Variants in SDK1 observed in about 807,000 individuals in gnomAD.
The protein encoded by SDK1 is protein sidekick-1.
SDK1 carries 157 observed loss-of-function variants against 245.5 expected under a neutral mutation model. The observed-to-expected ratio is 0.64, with a 90% CI of 0.56 to 0.73. SDK1 has a LOEUF of 0.73. Ranked by LOEUF, SDK1 falls within the 30% of genes least tolerant of loss-of-function variation. The pLI, the probability that SDK1 is intolerant of heterozygous loss-of-function variation, is 0.00. For missense variants in SDK1, 3,583 were observed against 3,002.3 expected, an observed-to-expected ratio of 1.19 and a Z score of -4.52; for synonymous variants, 1,647 against 1,278.5, an observed-to-expected ratio of 1.29 and a Z score of -6.15.
At chr7:3,319,069 G>A (rs555610061) in intron 1 of SDK1, among the ~76,000 whole-genome samples, 217 of 152,200 alleles carry the variant, frequency 1.4e-3, no homozygotes, top group African/African-American at 5.0e-3. Flanking sequence ...ACAAAAAACC[G>A]CATTGTTAAA....
At chr7:3,382,590 T>C (rs1179859389) in intron 1 of SDK1, among the ~76,000 whole-genome samples, 1 of 152,232 alleles carries the variant, frequency 6.6e-6, no homozygotes, top group African/African-American at 2.4e-5. Context: ...TATTTTGAAA[T>C]ATTTGCAGTC....
chr7:3,562,433 A>G (rs186117738), intron 1 of SDK1, among the ~76,000 whole-genome samples: 1 of 152,218 alleles, frequency 6.6e-6, no homozygotes, highest in Non-Finnish European at 1.5e-5. Flanking sequence ...TCTGAATACC[A>G]TGTTAGCTAT....
At chr7:3,658,032 C>G (rs781566947) in intron 4 of SDK1, among the ~76,000 whole-genome samples, 1 of 152,152 alleles carries the variant, frequency 6.6e-6, no homozygotes, top group East Asian at 1.9e-4. Context: ...CCTTGGGCCC[C>G]GTGATGCTTG....
intron 13 of SDK1, among the ~76,000 whole-genome samples, chr7:3,975,086 G>A (rs976187104): frequency 1.3e-5 from 2 of 152,114 alleles, no homozygotes; most frequent in Non-Finnish European, 2.9e-5. Context: ...GACCTTCCTG[G>A]GGGTTCCAAA....
intron 1 of SDK1, among the ~76,000 whole-genome samples, chr7:3,579,152 TGAG>T (rs1780402479): frequency 6.6e-6 from 1 of 152,054 alleles, no homozygotes; most frequent in African/African-American, 2.4e-5. Context: ...TCCAATAAAT[TGAG>T]GAGGAGGGAT....
chr7:4,240,867 G>C (rs1786474494), intron 42 of SDK1, among the ~76,000 whole-genome samples: 1 of 152,162 alleles, frequency 6.6e-6, no homozygotes, highest in Non-Finnish European at 1.5e-5. Flanking sequence ...TCCAGCAAGA[G>C]GGAGAGCCCC....
rs774580418 is a variant in SDK1 at position 4,026,336 on chromosome 7, C to G, written c.2602+8984C>G. On this transcript the variant is annotated intron_variant, in intron 17 of 44. Transcript: ENST00000404826. The surrounding 1 kb of genome is among the most constrained non-coding windows in gnomAD (Gnocchi z 4.1). Reference sequence around the variant, plus strand: ...GCTTCCACCCTCGGTGGCCTTGGGCCCATGTTTTAGAAGCTCAGCGTTTGG... The same window carrying G: ...GCTTCCACCCTCGGTGGCCTTGGGCGCATGTTTTAGAAGCTCAGCGTTTGG... Among the ~76,000 whole-genome samples, 4 of 152,160 alleles carry G rather than the reference C, an allele frequency of 2.6e-5. No homozygotes were observed. Among genetic ancestry groups the G allele is most frequent in the Non-Finnish European group, 5.9e-5 (4 of 68,030 alleles).
chr7:3,586,603 G>A (rs1780696350), intron 1 of SDK1, among the ~76,000 whole-genome samples: 1 of 151,604 alleles, frequency 6.6e-6, no homozygotes, highest in African/African-American at 2.4e-5. Context: ...TACTCGGGAG[G>A]CTGAGGCAGG....
At chr7:3,491,124 C>T (rs1421595016) in intron 1 of SDK1, among the ~76,000 whole-genome samples, 2 of 152,134 alleles carry the variant, frequency 1.3e-5, no homozygotes, top group African/African-American at 2.4e-5. Context: ...ACTGAACTGC[C>T]CAGTAGAAGT....
At chr7:4,103,341 C>T (rs1033467123) in intron 22 of SDK1, among the ~76,000 whole-genome samples, 3 of 152,164 alleles carry the variant, frequency 2.0e-5, no homozygotes, top group African/African-American at 7.2e-5. Flanking sequence ...AAGAATTCTG[C>T]CTCCCTCTAC....
chr7:3,800,396 T>TATTTATTC (rs1779078072), intron 4 of SDK1, among the ~76,000 whole-genome samples: 1 of 151,744 alleles, frequency 6.6e-6, no homozygotes, highest in Admixed American at 6.6e-5. Flanking sequence ...TTTATTTATT[T>TATTTATTC]ATTGAGACAG....
At chr7:3,346,171 C>G (rs916379307) in intron 1 of SDK1, among the ~76,000 whole-genome samples, 2 of 152,138 alleles carry the variant, frequency 1.3e-5, no homozygotes, top group East Asian at 1.9e-4. Flanking sequence ...ATTTCAGACT[C>G]CTGTGCATGC....
At chr7:4,034,418 T>C (rs1480439102) in intron 17 of SDK1, among the ~76,000 whole-genome samples, 1 of 152,216 alleles carries the variant, frequency 6.6e-6, no homozygotes, top group East Asian at 1.9e-4. Flanking sequence ...TTCTTGGAAG[T>C]ACATACTCCA....
intron 30 of SDK1, among the ~76,000 whole-genome samples, chr7:4,154,822 T>C (rs1780623031): frequency 6.6e-6 from 1 of 152,030 alleles, no homozygotes; most frequent in South Asian, 2.1e-4. Flanking sequence ...GGCTTGGAAG[T>C]GTGAACAGAG....
At chr7:4,032,744 A>G (rs1787918401) in intron 17 of SDK1, among the ~76,000 whole-genome samples, 1 of 152,018 alleles carries the variant, frequency 6.6e-6, no homozygotes, top group Middle Eastern at 3.2e-3. Flanking sequence ...ACATTAGAAA[A>G]GAAAAGAAAG....
rs866324542 is a variant in SDK1 at position 4,120,945 on chromosome 7, G to A, written c.3824-6436G>A. On this transcript the variant is annotated intron_variant, in intron 25 of 44. Transcript: ENST00000404826. ...ACACTCTTTTAAAAAAAAAAAAAAA[G>A]AAAGAAACCTATGGCAAAACTGCTG... Among the ~76,000 whole-genome samples, 884 of 144,786 alleles carry A rather than the reference G, an allele frequency of 6.1e-3. 7 individuals carry two copies. Among genetic ancestry groups the A allele is most frequent in the African/African-American group, 0.022 (845 of 37,896 alleles). 95.0% of individuals were successfully genotyped at this position (144,786 alleles called of 152,430 possible). A position where few individuals can be genotyped will look rare whatever the true frequency, so the allele number is the denominator to read the frequency against.
At chr7:3,571,982 A>G (rs1314535709) in intron 1 of SDK1, among the ~76,000 whole-genome samples, 1 of 152,012 alleles carries the variant, frequency 6.6e-6, no homozygotes, top group East Asian at 1.9e-4. Context: ...TGCTGTTAGG[A>G]AAAATTTTAA....
At chr7:3,929,878 G>A (rs1341490242) in intron 5 of SDK1, among the ~76,000 whole-genome samples, 2 of 152,206 alleles carry the variant, frequency 1.3e-5, no homozygotes, top group African/African-American at 4.8e-5. Flanking sequence ...CATGGTGCCA[G>A]CATTGCTCAG....
chr7:4,055,479 G>C (rs1412813098), intron 19 of SDK1, among the ~76,000 whole-genome samples: 1 of 151,984 alleles, frequency 6.6e-6, no homozygotes, highest in Non-Finnish European at 1.5e-5. Context: ...TTTTAATGTT[G>C]TCATTCTTCC....
Sources: allele counts gnomAD v4.1 joint callset (sites outside exome capture counted in the v4.1 genomes callset), GRCh38; gene constraint gnomAD v4.1.1; non-coding constraint Gnocchi (gnomAD v3.1); transcripts MANE v1.5; gene names NCBI Gene and HGNC (gene_info 2026-07-23, HGNC 2026-07-21).